The following UVSSA variants were observed in gnomAD, a reference collection of about 807,000 sequenced individuals.
UVSSA encodes UV-stimulated scaffold protein A.
In UVSSA, 72 loss-of-function variants were observed where a neutral mutation model predicts 73.9. The ratio of observed to expected loss-of-function variants is 0.97; its 90% CI spans 0.81 to 1.19. UVSSA has a LOEUF of 1.19. Among genes scored for constraint, UVSSA ranks in the 50% most tolerant of loss-of-function variants. UVSSA has a pLI of 0.00. For missense variants in UVSSA, 1,150 were observed against 965.0 expected (o/e 1.19, Z -2.54); for synonymous variants, 454 against 391.3 (o/e 1.16, Z -1.89).
At chr4:1,372,037 C>T (rs963271254) in intron 8 of UVSSA, among the ~76,000 whole-genome samples, 1 of 152,230 alleles carries the variant, frequency 6.6e-6, no homozygotes, top group African/African-American at 2.4e-5. Context: ...CATATCTCTT[C>T]TTGTTTATTA....
chr4:1,355,177 G>A lies in UVSSA; in HGVS notation c.1108G>A (p.Glu370Lys), dbSNP rs1367256140. The part of the protein sequence containing the change: ...CLKRAIDLKA[E>K]LELVLRKYKE... Reference sequence around the variant, plus strand: ...AAAGCGTGCCATTGACCTGAAGGCTGAATTGGAGCTCGTACTGAGAAAATA... The same window carrying A: ...AAAGCGTGCCATTGACCTGAAGGCTAAATTGGAGCTCGTACTGAGAAAATA... The change falls in exon 7 of 14, where the codon GAA (glutamate) becomes AAA (lysine). Residue 370 changes from glutamate to lysine, a missense_variant. Transcript: ENST00000389851. 1 of 1,613,774 alleles carries A rather than the reference G, an allele frequency of 6.2e-7. No individual in the cohort carries two copies. Among genetic ancestry groups the A allele is most frequent in the Non-Finnish European group, 8.5e-7 (1 of 1,179,932 alleles).
downstream of UVSSA, chr4:1,391,700 A>G (rs1220741535): frequency 1.3e-5 from 1 of 76,780 alleles, no homozygotes; most frequent in Non-Finnish European, 4.0e-5. Flanking sequence ...TGTAAACAGC[A>G]TATAGTGGGA....
At chr4:1,354,568 AAC>A (rs1424208409) in intron 5 of UVSSA, 165 bp from the exon 6 acceptor site, 1 of 616,550 alleles carries the variant, frequency 1.6e-6, no homozygotes, top group Non-Finnish European at 2.9e-6. Context: ...AAGATAATAA[AAC>A]ACTTCCTTCT....
chr4:1,348,084 T>C lies in UVSSA; in HGVS notation c.-2-6T>C, dbSNP rs1161303579. On this transcript the variant is annotated splice_polypyrimidine_tract_variant and splice_region_variant and intron_variant, in intron 1 of 13. Transcript: ENST00000389851. ...GATATAGCATCTCTGCCTTACTTAT[T>C]TCTAGATATGGATCAGAAACTTTCG... The C allele has an allele frequency of 1.2e-6, 2 of 1,608,148 alleles. No homozygotes were observed. The highest frequency in any genetic ancestry group is 1.7e-6 in the Non-Finnish European group (2 of 1,175,034).
chr4:1,344,857 A>G (rs1006127838), upstream of UVSSA, among the ~76,000 whole-genome samples: 16 of 152,150 alleles, frequency 1.1e-4, no homozygotes, highest in African/African-American at 3.4e-4. Flanking sequence ...GCTCAGGGTG[A>G]GACATGAGCA....
rs1349395435 is a variant in UVSSA at position 1,375,291 on chromosome 4, C to G, written c.1289-73C>G. 8.8e-6 allele frequency: 14 copies of G among 1,589,470 alleles called. No homozygotes were observed. In the African/African-American group the frequency reaches 1.5e-4, roughly 17 times the overall value. Reference sequence around the variant, plus strand: ...ACGCTAACGCATAGGCGCGTCCTAACTGCCCGGTCTTGCCTGATGTGCCTG... The same window carrying G: ...ACGCTAACGCATAGGCGCGTCCTAAGTGCCCGGTCTTGCCTGATGTGCCTG... On this transcript the variant is annotated intron_variant, in intron 8 of 13. Transcript: ENST00000389851.
intron 7 of UVSSA, among the ~76,000 whole-genome samples, chr4:1,362,206 C>G (rs1157618207): frequency 1.3e-5 from 2 of 152,234 alleles, no homozygotes; most frequent in African/African-American, 4.8e-5. Flanking sequence ...ATGAAGCCAG[C>G]AGAGGCCGGA....
In UVSSA at chr4:1,394,925, TCA is replaced by T. The variant is rs570647163; in HGVS notation, c.*8968_*8969del. The T allele has an allele frequency of 7.0e-5, 106 of 1,508,134 alleles. 1 individual carries two copies. Among genetic ancestry groups the T allele is most frequent in the African/African-American group, 3.9e-4 (23 of 58,310 alleles). 93.4% of individuals were successfully genotyped at this position (1,508,134 alleles called of 1,614,324 possible). ...GTGCCCATGCGGAGTGCCCGCCTGC[TCA>T]CACGTGCCCATGCGGAGTGCCCGCC... On this transcript the variant is annotated 3_prime_UTR_variant, in exon 14 of 14. Coordinates refer to the UVSSA transcript ENST00000511216.
upstream of UVSSA, among the ~76,000 whole-genome samples, chr4:1,343,219 G>T (rs915163666): frequency 2.0e-5 from 3 of 152,154 alleles, no homozygotes; most frequent in Non-Finnish European, 4.4e-5. Context: ...TTCCCGGCTT[G>T]CAGACGGCCC....
At chr4:1,383,965 C>A in intron 13 of UVSSA, 25 bp downstream of exon 13, 1 of 1,597,748 alleles carries the variant, frequency 6.3e-7, no homozygotes, top group East Asian at 2.2e-5. Flanking sequence ...TGGGTCACCT[C>A]CCACCGCGTG....
At chr4:1,395,762 T>C (rs1474566777) in exon 14 of UVSSA, 2 of 1,614,258 alleles carry the variant, frequency 1.2e-6, no homozygotes, top group South Asian at 2.2e-5. Context: ...AGTCAGACGC[T>C]GTTACCGTAC....
At chr4:1,366,028 G>T in intron 7 of UVSSA, 1 of 239,650 alleles carries the variant, frequency 4.2e-6, no homozygotes. Flanking sequence ...TTCCACAGGA[G>T]GGCAGCACCT....
chr4:1,342,077 G>A (rs145129465), upstream of UVSSA, among the ~76,000 whole-genome samples: 13 of 152,368 alleles, frequency 8.5e-5, no homozygotes, highest in African/African-American at 3.1e-4. Flanking sequence ...TTGTGTGCCA[G>A]TCTTCTTGCA....
At chr4:1,391,299 TG>T (rs1720409019), downstream of UVSSA, 1 of 152,542 alleles carries the variant, frequency 6.6e-6, no homozygotes, top group African/African-American at 2.4e-5. Context: ...AGAAGCCTGT[TG>T]GGTCTGATTG....
intron 6 of UVSSA, 60 bp from the exon 7 acceptor site, chr4:1,355,057 G>A: frequency 2.5e-6 from 4 of 1,595,978 alleles, no homozygotes; most frequent in Middle Eastern, 3.3e-4. Context: ...CCTCCCAGCA[G>A]GACAGCTTCC....
At chr4:1,362,360 CG>C (rs1396734497) in intron 7 of UVSSA, among the ~76,000 whole-genome samples, 2 of 152,182 alleles carry the variant, frequency 1.3e-5, no homozygotes, top group East Asian at 3.8e-4. Flanking sequence ...TCCAATGCCC[CG>C]CAGGGGACTT....
intron 2 of UVSSA, among the ~76,000 whole-genome samples, chr4:1,348,777 A>G (rs1020355639): frequency 6.6e-6 from 1 of 152,272 alleles, no homozygotes; most frequent in African/African-American, 2.4e-5. Context: ...ACATTTTGAT[A>G]GAAAATTTCA....
intron 8 of UVSSA, among the ~76,000 whole-genome samples, chr4:1,369,677 G>A (rs1295413240): frequency 1.3e-5 from 2 of 152,224 alleles, no homozygotes; most frequent in Non-Finnish European, 2.9e-5. Context: ...AATAATGTCA[G>A]CGCTGGGCAG....
chr4:1,353,379 G>T lies in UVSSA; in HGVS notation c.900G>T (p.Ser300=). Residue 300 remains serine, a synonymous_variant, in exon 5 of 14, where the codon TCG becomes TCT. Transcript: ENST00000389851. ...TTGTGCGGAGCCACGGGCTGGGCTC[G>T]CACAAGTACACGCTGGATGTGGAGC... The part of the protein sequence containing the change: ...EEFVRSHGLG[S]HKYTLDVELC... 1.3e-6 allele frequency: 2 copies of T among 1,597,750 alleles called. No homozygotes were observed. Among genetic ancestry groups the T allele is most frequent in the Non-Finnish European group, 1.7e-6 (2 of 1,172,748 alleles).
Sources: allele counts gnomAD v4.1 joint callset (sites outside exome capture counted in the v4.1 genomes callset), GRCh38; gene constraint gnomAD v4.1.1; transcripts MANE v1.5; gene names NCBI Gene and HGNC (gene_info 2026-07-23, HGNC 2026-07-21).